NDUFA12: variants seen among roughly 807,000 people sequenced by gnomAD.
The protein encoded by NDUFA12 is NADH dehydrogenase [ubiquinone] 1 alpha subcomplex subunit 12.
A neutral mutation model predicts 20.3 loss-of-function variants in NDUFA12; 17 were observed. The ratio of observed to expected loss-of-function variants is 0.84; its 90% CI spans 0.57 to 1.26. NDUFA12 has a LOEUF of 1.26. Among genes scored for constraint, NDUFA12 ranks in the 50% most tolerant of loss-of-function variants. NDUFA12 has a pLI of 0.00. For missense variants in NDUFA12, 191 were observed against 183.7 expected (o/e 1.04, Z -0.23); for synonymous variants, 72 against 63.6 (o/e 1.13, Z -0.63).
Position 95,003,677 on chromosome 12 carries a change from C to T in NDUFA12, c.4G>A (p.Glu2Lys), listed in dbSNP as rs1411237396. 6.2e-7 allele frequency: 1 copy of T among 1,614,078 alleles called. No homozygotes were observed. The highest frequency in any genetic ancestry group is 1.7e-5 in the Admixed American group (1 of 60,010). M[E>K]LVQVLKRGLQ... ...CCGCGTTTCAGGACCTGCACTAACT[C>T]CATCTTGCCTCGCTGGCCCCGCCTC... Residue 2 changes from glutamate (E) to lysine (K), a missense_variant, in exon 1 of 4, where the codon GAG becomes AAG. Coordinates refer to ENST00000327772, the MANE Select transcript of NDUFA12 (RefSeq NM_018838.5).
At chr12:94,973,396 G>A (rs184850721) in intron 3 of NDUFA12, among the ~76,000 whole-genome samples, 11 of 152,290 alleles carry the variant, frequency 7.2e-5, no homozygotes, top group African/African-American at 2.2e-4. Flanking sequence ...GCACACGAGC[G>A]CTGAAGCCCT....
chr12:94,971,718 G>A, intron 3 of NDUFA12, 98 bp from the exon 4 acceptor site: 2 of 1,358,562 alleles, frequency 1.5e-6, no homozygotes, highest in South Asian at 1.2e-5. Context: ...TTGTTGCTTG[G>A]GTTCAAGCCT....
chr12:94,991,776 CA>C (rs997974100), intron 3 of NDUFA12, among the ~76,000 whole-genome samples: 1 of 147,262 alleles, frequency 6.8e-6, no homozygotes, highest in Admixed American at 6.8e-5. Flanking sequence ...CAAATAAATA[CA>C]GATGTCCACC....
intron 3 of NDUFA12, among the ~76,000 whole-genome samples, chr12:94,977,624 A>G (rs188795223): frequency 6.6e-6 from 1 of 152,194 alleles, no homozygotes; most frequent in Non-Finnish European, 1.5e-5. Flanking sequence ...GCTATAAAGG[A>G]GTAGCAGAAG....
At chr12:94,990,180 T>C (rs949548519) in intron 3 of NDUFA12, among the ~76,000 whole-genome samples, 2 of 151,900 alleles carry the variant, frequency 1.3e-5, no homozygotes, top group Non-Finnish European at 2.9e-5. Context: ...TCATGGCACA[T>C]GTTTACCTAT....
intron 1 of NDUFA12, 117 bp downstream of exon 1, chr12:95,003,478 T>G (rs1002107073): frequency 9.0e-7 from 1 of 1,112,390 alleles, no homozygotes; most frequent in African/African-American, 1.5e-5. Context: ...ATTGGGGCGG[T>G]TGTCCTTGAC....
chr12:94,999,698 A>C (rs955007949), intron 2 of NDUFA12, among the ~76,000 whole-genome samples: 20 of 151,764 alleles, frequency 1.3e-4, no homozygotes, highest in African/African-American at 4.9e-4. Flanking sequence ...GAAGATATAC[A>C]AACAGTCAAC....
At position 94,994,793 on chromosome 12, in the gene NDUFA12, A is replaced by G. The variant is rs374328807; in HGVS notation, c.170-536T>C. The stretch of plus-strand genomic sequence containing the variant: ...GGACAGCTCATGTCATCAAAATAAT[A>G]TGGCTGCACTCCTCATTTAGGAAAT... On this transcript the variant is annotated intron_variant, in intron 2 of 3. Coordinates refer to ENST00000327772, the MANE Select transcript of NDUFA12 (RefSeq NM_018838.5). 1.5e-4 allele frequency among the ~76,000 whole-genome samples: 23 copies of G among 152,332 alleles called. No homozygotes were observed. The East Asian group carries it at 2.1e-3, about 14-fold the overall frequency.
chr12:94,987,059 T>G (rs1018311601), intron 3 of NDUFA12, among the ~76,000 whole-genome samples: 2 of 152,066 alleles, frequency 1.3e-5, no homozygotes, highest in African/African-American at 2.4e-5. Context: ...AAGGGAAAAT[T>G]AGTAACTTTA....
intron 3 of NDUFA12, among the ~76,000 whole-genome samples, chr12:94,980,063 C>T (rs564391634): frequency 6.6e-6 from 1 of 152,266 alleles, no homozygotes; most frequent in East Asian, 1.9e-4. Context: ...ATCAATACAA[C>T]GAGGCTTCCC....
At chr12:94,973,385 A>C (rs1873953655) in intron 3 of NDUFA12, among the ~76,000 whole-genome samples, 1 of 152,202 alleles carries the variant, frequency 6.6e-6, no homozygotes, top group South Asian at 2.1e-4. Flanking sequence ...CATTCATATG[A>C]GCACACGAGC....
At chr12:94,977,120 T>C (rs1020271349) in intron 3 of NDUFA12, among the ~76,000 whole-genome samples, 11 of 152,136 alleles carry the variant, frequency 7.2e-5, no homozygotes, top group Non-Finnish European at 1.5e-4. Flanking sequence ...GAGCAGAAAA[T>C]AAACATTAGG....
Sources: allele counts gnomAD v4.1 joint callset (sites outside exome capture counted in the v4.1 genomes callset), GRCh38; gene constraint gnomAD v4.1.1; transcripts MANE v1.5; gene names NCBI Gene and HGNC (gene_info 2026-07-23, HGNC 2026-07-21).